SHTN1: variants seen among roughly 807,000 people sequenced by gnomAD.
The protein encoded by SHTN1 is shootin-1.
In SHTN1, 42 loss-of-function variants were observed where a neutral mutation model predicts 83.1. The observed-to-expected ratio is 0.51, with a 90% CI of 0.39 to 0.65. The LOEUF (loss-of-function observed/expected upper bound fraction) is 0.65, where lower values mean the gene tolerates loss of function less well. Among genes scored for constraint, SHTN1 ranks in the 30% least tolerant of loss-of-function variants. The probability of loss-of-function intolerance (pLI) is 0.00; values close to 1 mark genes in which losing one functional copy is unlikely to be tolerated. For synonymous variants in SHTN1, 224 were observed against 247.7 expected (o/e 0.90, Z 0.90); for missense variants, 622 against 737.8 (o/e 0.84, Z 1.82).
intron 1 of SHTN1, among the ~76,000 whole-genome samples, chr10:117,064,755 C>T (rs954812684): frequency 2.6e-5 from 4 of 152,036 alleles, no homozygotes; most frequent in African/African-American, 9.7e-5. Flanking sequence ...CAAAGTCCCA[C>T]ACAACTGTGG....
At chr10:117,119,516 G>T (rs1366882896) in intron 1 of SHTN1, among the ~76,000 whole-genome samples, 1 of 152,132 alleles carries the variant, frequency 6.6e-6, no homozygotes, top group African/African-American at 2.4e-5. Flanking sequence ...AGTTAAAATG[G>T]CTTATAATCA....
At chr10:116,949,759 G>A (rs1022489708) in intron 6 of SHTN1, among the ~76,000 whole-genome samples, 1 of 152,046 alleles carries the variant, frequency 6.6e-6, no homozygotes, top group African/African-American at 2.4e-5. Context: ...GAACTCTGAT[G>A]ACTCTTGGCT....
intron 16 of SHTN1, chr10:116,901,245 A>C: frequency 2.0e-6 from 2 of 985,046 alleles, no homozygotes; most frequent in Non-Finnish European, 2.4e-6. Flanking sequence ...ACTCTTTGAC[A>C]ATCAAAGTGC....
chr10:116,914,849 G>A (rs187550534), intron 13 of SHTN1, among the ~76,000 whole-genome samples: 5 of 152,146 alleles, frequency 3.3e-5, no homozygotes, highest in Non-Finnish European at 7.4e-5. Flanking sequence ...AAGTGACTTG[G>A]AAAACATTTG....
At chr10:116,918,928 T>A (rs1456211469) in intron 12 of SHTN1, among the ~76,000 whole-genome samples, 2 of 152,190 alleles carry the variant, frequency 1.3e-5, no homozygotes, top group African/African-American at 2.4e-5. Flanking sequence ...ATCTTCAGAG[T>A]GTAATGATCT....
chr10:116,995,819 A>G (rs1376127341), intron 1 of SHTN1, among the ~76,000 whole-genome samples: 1 of 152,168 alleles, frequency 6.6e-6, no homozygotes, highest in Non-Finnish European at 1.5e-5. Context: ...CCTTGAATAC[A>G]TGGTTCAAAT....
At position 117,125,776 on chromosome 10, in the gene SHTN1, C is replaced by T. The variant is rs547754621; in HGVS notation, c.-189+531G>A. 2.0e-5 allele frequency among the ~76,000 whole-genome samples: 3 copies of T among 152,164 alleles called. No homozygotes were observed. The South Asian group carries it at 6.2e-4, about 31-fold the overall frequency. ...TCTGCCCATCCCTGCCAATAATGCTCCCACTCCACTGTGCTTACTTTCCCT... is the reference window on the plus strand; with the variant it reads ...TCTGCCCATCCCTGCCAATAATGCTTCCACTCCACTGTGCTTACTTTCCCT... On this transcript the variant is annotated intron_variant, in intron 1 of 17. Transcript: ENST00000392901.
In SHTN1 at chr10:117,051,999, CATATATATATAT is replaced by C. The variant is rs71013635; in HGVS notation, c.-188-3501_-188-3490del. 2.3e-3 allele frequency among the ~76,000 whole-genome samples: 78 copies of C among 34,124 alleles called. 6 individuals are homozygous for C. The highest frequency in any genetic ancestry group is 3.5e-3 in the African/African-American group (42 of 11,908). 22.4% of individuals were successfully genotyped at this position (34,124 alleles called of 152,430 possible). A position where few individuals can be genotyped will look rare whatever the true frequency, so the allele number is the denominator to read the frequency against. ...TACCTTTATTTTCAAATGACATAATCATATATATATATATATATATATAGAAAAGCCTAAGGA... is the reference window on the plus strand; with the variant it reads ...TACCTTTATTTTCAAATGACATAATCATATATATATAGAAAAGCCTAAGGA... On this transcript the variant is annotated intron_variant, in intron 1 of 17. Coordinates refer to the SHTN1 transcript ENST00000392901.
At chr10:116,977,782 C>T (rs1434519747) in intron 2 of SHTN1, among the ~76,000 whole-genome samples, 2 of 152,144 alleles carry the variant, frequency 1.3e-5, no homozygotes, top group Non-Finnish European at 1.5e-5. Flanking sequence ...TCCAGGAATC[C>T]TCCTGCCTCA....
chr10:116,902,835 G>A (rs1213537973), intron 15 of SHTN1, among the ~76,000 whole-genome samples: 1 of 152,212 alleles, frequency 6.6e-6, no homozygotes, highest in Non-Finnish European at 1.5e-5. Flanking sequence ...AAACTTGGGT[G>A]TCTCTTGGGT....
Position 116,901,967 on chromosome 10 carries a change from A to G in SHTN1, c.1481-10T>C. ...AATATCCCAGTTGGACCTTAAAACC[A>G]AACACATACCTCAAGTTTAATAATT... is the stretch of plus-strand genomic sequence containing the variant. On this transcript the variant is annotated splice_polypyrimidine_tract_variant and intron_variant, in intron 15 of 16. Coordinates refer to ENST00000355371, the MANE Select transcript of SHTN1 (RefSeq NM_001127211.3). 2 of 1,578,758 alleles carry G rather than the reference A, an allele frequency of 1.3e-6. No homozygotes were observed. The highest frequency in any genetic ancestry group is 1.7e-6 in the Non-Finnish European group (2 of 1,167,150).
rs1172494701 is a variant in SHTN1, at chr10:117,051,430, C to T, written c.-188-2920G>A. Among the ~76,000 whole-genome samples, 3 of 152,060 alleles carry T rather than the reference C, an allele frequency of 2.0e-5. No individual in the cohort carries two copies. In the East Asian group the frequency reaches 5.8e-4, roughly 29 times the overall value. On this transcript the variant is annotated intron_variant, in intron 1 of 17. Coordinates refer to the SHTN1 transcript ENST00000392901. ...ACTCATTCCAAGAAGCCAGCATTAC[C>T]TTGACACCAAGCCAGACAAAGACAA...
chr10:116,994,882 G>A (rs1196893583), intron 1 of SHTN1, among the ~76,000 whole-genome samples: 6 of 151,704 alleles, frequency 4.0e-5, no homozygotes, highest in Admixed American at 1.3e-4. Context: ...AAACCCATTA[G>A]GTTTATTCTG....
At chr10:116,968,780 G>A in intron 2 of SHTN1, 68 bp from the exon 3 acceptor site, 1 of 1,236,556 alleles carries the variant, frequency 8.1e-7, no homozygotes. Context: ...AGGCAAGCAA[G>A]AGCAAACTTA....
chr10:117,049,194 G>T (rs1852708162), intron 1 of SHTN1, among the ~76,000 whole-genome samples: 2 of 152,140 alleles, frequency 1.3e-5, no homozygotes, highest in Non-Finnish European at 2.9e-5. Flanking sequence ...GGTCAGGGAT[G>T]ATCTTCAAAA....
chr10:117,047,683 A>T (rs1486173566), intron 2 of SHTN1, among the ~76,000 whole-genome samples: 5 of 152,038 alleles, frequency 3.3e-5, no homozygotes, highest in Admixed American at 3.3e-4. Context: ...TAAAAGAATA[A>T]ATAATAGTTT....
chr10:116,924,746 ATTTTTTTTTTTTTTTT>A (rs201343735), intron 11 of SHTN1, among the ~76,000 whole-genome samples: 2 of 89,522 alleles, frequency 2.2e-5, no homozygotes, highest in Non-Finnish European at 2.2e-5. Flanking sequence ...ATTTTCACCT[ATTTTTTTTTTTTTTTT>A]TTTTTTTTTT....
chr10:116,959,120 G>A (rs1164440514), intron 4 of SHTN1, among the ~76,000 whole-genome samples: 3 of 152,180 alleles, frequency 2.0e-5, no homozygotes, highest in Admixed American at 2.0e-4. Context: ...TTACGGACTA[G>A]TGAACTCTAG....
At chr10:117,079,257 A>G (rs1295450629) in intron 1 of SHTN1, among the ~76,000 whole-genome samples, 236 of 135,080 alleles carry the variant, frequency 1.7e-3, no homozygotes, top group Non-Finnish European at 2.7e-3. Context: ...TCATTGTTCA[A>G]TTCCCACCTA....
Sources: gnomAD v4.1 joint callset for allele counts (sites outside exome capture counted in the v4.1 genomes callset) on GRCh38, gnomAD v4.1.1 for gene constraint, MANE v1.5 for transcripts, NCBI Gene and HGNC (gene_info 2026-07-23, HGNC 2026-07-21) for gene names.